The following FYN variants were observed in gnomAD, a reference collection of about 807,000 sequenced individuals.
FYN encodes tyrosine-protein kinase Fyn.
FYN carries 10 observed loss-of-function variants against 70.2 expected under a neutral mutation model. The observed-to-expected ratio is 0.14, with a 90% CI of 0.09 to 0.24. The LOEUF (loss-of-function observed/expected upper bound fraction) is 0.24. Among genes scored for constraint, FYN ranks in the 10% least tolerant of loss-of-function variants. The pLI, the probability that FYN is intolerant of heterozygous loss-of-function variation, is 1.00. For missense variants in FYN, 319 were observed against 673.1 expected, an observed-to-expected ratio of 0.47 and a Z score of 5.82; for synonymous variants, 236 against 248.6, an observed-to-expected ratio of 0.95 and a Z score of 0.48.
chr6:111,781,904 T>C (rs747058058), intron 2 of FYN, among the ~76,000 whole-genome samples: 12 of 152,252 alleles, frequency 7.9e-5, no homozygotes, highest in Non-Finnish European at 1.3e-4. Flanking sequence ...CTATTAGGCA[T>C]AAATGATACT....
At chr6:111,839,565 T>C (rs1773292551) in intron 2 of FYN, among the ~76,000 whole-genome samples, 1 of 152,038 alleles carries the variant, frequency 6.6e-6, no homozygotes, top group Non-Finnish European at 1.5e-5. Context: ...TCTACACTGG[T>C]CAAACCATCT....
chr6:111,786,110 G>A (rs1771368828), intron 2 of FYN, among the ~76,000 whole-genome samples: 1 of 151,736 alleles, frequency 6.6e-6, no homozygotes, highest in Non-Finnish European at 1.5e-5. Context: ...TGCACAACGT[G>A]CAGGTTTGTT....
chr6:111,831,214 T>A (rs1773007810), intron 2 of FYN, among the ~76,000 whole-genome samples: 1 of 152,178 alleles, frequency 6.6e-6, no homozygotes, highest in Non-Finnish European at 1.5e-5. Flanking sequence ...GCTTGATAGA[T>A]GTGCCATGTT....
chr6:111,867,458 GAAAAAAA>G (rs373634134), intron 1 of FYN, among the ~76,000 whole-genome samples: 7 of 70,464 alleles, frequency 9.9e-5, no homozygotes, highest in African/African-American at 3.9e-4. Flanking sequence ...TCCGTCTCGG[GAAAAAAA>G]AAAAAAAAAA....
chr6:111,840,204 C>T (rs554483101), intron 2 of FYN, among the ~76,000 whole-genome samples: 1 of 152,180 alleles, frequency 6.6e-6, no homozygotes, highest in Non-Finnish European at 1.5e-5. Flanking sequence ...AAAATGCCCC[C>T]CAAAAGGTAT....
chr6:111,728,865 A>G (rs995336157), intron 3 of FYN, among the ~76,000 whole-genome samples: 2 of 152,194 alleles, frequency 1.3e-5, no homozygotes, highest in Non-Finnish European at 2.9e-5. Context: ...ATATTTCAAT[A>G]TATAAGAAAT....
intron 3 of FYN, among the ~76,000 whole-genome samples, chr6:111,769,358 A>G (rs1397847700): frequency 3.3e-5 from 5 of 152,232 alleles, no homozygotes; most frequent in Non-Finnish European, 5.9e-5. Context: ...GTATTTTAGT[A>G]AAGTCTATCA....
chr6:111,670,175 G>T (rs896092489), intron 13 of FYN, among the ~76,000 whole-genome samples: 1 of 152,188 alleles, frequency 6.6e-6, no homozygotes, highest in Admixed American at 6.5e-5. Context: ...TTTCAACCAT[G>T]AGCTAGAAAG....
intron 3 of FYN, among the ~76,000 whole-genome samples, chr6:111,743,025 G>A (rs561557825): frequency 6.6e-6 from 1 of 151,034 alleles, no homozygotes; most frequent in Non-Finnish European, 1.5e-5. Context: ...GGAGTGCAGT[G>A]GCACGATCTC....
rs1800524084 is a variant in FYN at position 111,714,391 on chromosome 6, G to T, written c.300C>A (p.Asp100Glu). 1 of 1,613,926 alleles carries T rather than the reference G, an allele frequency of 6.2e-7. No homozygotes were observed. The highest frequency in any genetic ancestry group is 1.1e-5 in the South Asian group (1 of 91,080). Residue 100 changes from aspartate to glutamate, a missense_variant, in exon 5 of 14, where the codon GAC becomes GAA. Physicochemically the swap from Asp to Glu is conservative, Grantham distance 45. This residue lies in a region of FYN where 128 missense variants were observed against 183.9 expected (regional missense o/e 0.70). Coordinates refer to ENST00000354650, the MANE Select transcript of FYN (RefSeq NM_002037.5). ...LYDYEARTEDDLSFHKGEKFQ... is the reference protein window; with the variant it reads ...LYDYEARTEDELSFHKGEKFQ... ...ATTTTTCTCCTTTGTGAAAACTCAG[G>T]TCATCTTCTGTCCGTGCTTCATAGT...
intron 3 of FYN, among the ~76,000 whole-genome samples, chr6:111,747,431 C>A (rs1218880051): frequency 6.6e-6 from 1 of 152,194 alleles, no homozygotes; most frequent in African/African-American, 2.4e-5. Flanking sequence ...TTTAAAGCAG[C>A]ATCACAAAAT....
At chr6:111,695,713 C>CTCT (rs1307980986) in intron 10 of FYN, among the ~76,000 whole-genome samples, 9 of 152,208 alleles carry the variant, frequency 5.9e-5, no homozygotes, top group Admixed American at 6.5e-5. Context: ...ACAAAATGAT[C>CTCT]TCTGGCCTTA....
At chr6:111,729,890 A>G (rs969034518) in intron 3 of FYN, among the ~76,000 whole-genome samples, 1 of 152,248 alleles carries the variant, frequency 6.6e-6, no homozygotes, top group Admixed American at 6.5e-5. Context: ...ATTTGTCTAT[A>G]CCAAGAATGT....
intron 3 of FYN, among the ~76,000 whole-genome samples, chr6:111,774,651 T>C (rs149686615): frequency 2.0e-5 from 3 of 151,858 alleles, no homozygotes; most frequent in Non-Finnish European, 4.4e-5. Flanking sequence ...AACATTGCAC[T>C]GCCTAGGAAG....
chr6:111,850,472 G>A (rs1480195144), intron 1 of FYN, among the ~76,000 whole-genome samples: 3 of 152,212 alleles, frequency 2.0e-5, no homozygotes, highest in Admixed American at 6.5e-5. Flanking sequence ...CCTCAGAACC[G>A]TACGTGGAGT....
intron 3 of FYN, among the ~76,000 whole-genome samples, chr6:111,750,701 C>T (rs2128486493): frequency 1.3e-5 from 2 of 149,774 alleles, no homozygotes; most frequent in Middle Eastern, 7.0e-3. Context: ...AGATTCATGC[C>T]AGTACAATTC....
intron 12 of FYN, among the ~76,000 whole-genome samples, chr6:111,679,191 T>G (rs778206390): frequency 9.9e-5 from 15 of 152,214 alleles, no homozygotes; most frequent in Non-Finnish European, 2.1e-4. Context: ...CAAAAGCCCT[T>G]AACCCATGGC....
intron 3 of FYN, among the ~76,000 whole-genome samples, chr6:111,748,982 C>CAACT (rs2128485251): frequency 6.6e-6 from 1 of 152,036 alleles, no homozygotes; most frequent in African/African-American, 2.4e-5. Flanking sequence ...AGTGGCAAAC[C>CAACT]AACTGCACTG....
Position 111,702,703 on chromosome 6 carries a change from A to G in FYN, c.697+182T>C, listed in dbSNP as rs1455680756. The G allele has an allele frequency of 1.6e-5, 7 of 447,690 alleles. No individual in the cohort carries two copies. In the East Asian group the frequency reaches 2.4e-4, roughly 16 times the overall value. 27.7% of individuals were successfully genotyped at this position (447,690 alleles called of 1,614,324 possible). On this transcript the variant is annotated intron_variant, in intron 8 of 13. Transcript: ENST00000354650. ...CAAACATGTGGAACTAATAATAACA[A>G]CAGTAGAACAATAGCAATAGAACCT...
Sources: allele counts gnomAD v4.1 joint callset (sites outside exome capture counted in the v4.1 genomes callset), GRCh38; gene constraint gnomAD v4.1.1; regional missense constraint gnomAD v4.1.1; transcripts MANE v1.5; gene names NCBI Gene and HGNC (gene_info 2026-07-23, HGNC 2026-07-21).